The following CYTIP variants were observed in gnomAD, a reference collection of about 807,000 sequenced individuals.
CYTIP encodes cytohesin 1 interacting protein.
A neutral mutation model predicts 43.8 loss-of-function variants in CYTIP; 26 were observed. The observed-to-expected ratio is 0.59, with a 90% CI of 0.44 to 0.82. The LOEUF (loss-of-function observed/expected upper bound fraction) is 0.82. Among genes scored for constraint, CYTIP ranks in the 40% least tolerant of loss-of-function variants. The pLI, the probability that CYTIP is intolerant of heterozygous loss-of-function variation, is 0.00. For synonymous variants in CYTIP, 162 were observed against 162.9 expected (o/e 0.99, Z 0.04); for missense variants, 426 against 443.1 (o/e 0.96, Z 0.35).
At chr2:157,418,672 A>G (rs1190619145) in intron 6 of CYTIP, 83 bp from the exon 7 acceptor site, 2 of 1,292,274 alleles carry the variant, frequency 1.5e-6, no homozygotes, top group Non-Finnish European at 2.1e-6. Flanking sequence ...AGGTGTTGAG[A>G]TTTGTCATTA....
intron 5 of CYTIP, among the ~76,000 whole-genome samples, chr2:157,429,478 T>C (rs1242066243): frequency 2.6e-5 from 4 of 152,218 alleles, no homozygotes; most frequent in Non-Finnish European, 5.9e-5. Flanking sequence ...AACTGAAATA[T>C]ACACATTACT....
chr2:157,432,010 A>G (rs1193599824), intron 3 of CYTIP, among the ~76,000 whole-genome samples: 6 of 152,170 alleles, frequency 3.9e-5, no homozygotes, highest in Admixed American at 6.5e-5. Flanking sequence ...ATCATGCACT[A>G]TGTTCCCATC....
At chr2:157,420,388 C>T (rs1378540769) in intron 6 of CYTIP, among the ~76,000 whole-genome samples, 2 of 151,986 alleles carry the variant, frequency 1.3e-5, no homozygotes, top group African/African-American at 4.8e-5. Context: ...TGATGGCAGG[C>T]ATCTGTAATC....
chr2:157,415,840 C>G lies in CYTIP; in HGVS notation c.917G>C (p.Ser306Thr). Residue 306 changes from serine to threonine, a missense_variant, in exon 8 of 8, where the codon AGT becomes ACT. Transcript: ENST00000264192. ...RSSSRRNRSISNTSSGSMSPL... is the reference protein window; with the variant it reads ...RSSSRRNRSITNTSSGSMSPL... ...AGACATGGATCCGCTGCTGGTGTTA[C>G]TGATGCTCCGGTTCCTCCTTGAAGA... is the stretch of plus-strand genomic sequence containing the variant. 1 of 1,614,214 alleles carries G rather than the reference C, an allele frequency of 6.2e-7. No homozygotes were observed. Among genetic ancestry groups the G allele is most frequent in the Non-Finnish European group, 8.5e-7 (1 of 1,180,036 alleles).
intron 3 of CYTIP, among the ~76,000 whole-genome samples, chr2:157,433,537 TAG>T (rs925079054): frequency 6.6e-5 from 10 of 152,082 alleles, no homozygotes; most frequent in Non-Finnish European, 1.5e-4. Flanking sequence ...AAATCTGATA[TAG>T]AGTGTAAGAA....
At chr2:157,418,400 C>T (rs1013642958) in intron 7 of CYTIP, 123 bp downstream of exon 7, 80 of 864,528 alleles carry the variant, frequency 9.3e-5, no homozygotes, top group Middle Eastern at 4.8e-4. Flanking sequence ...AACACAGACC[C>T]ATTTCCTTGA....
At chr2:157,433,659 C>T (rs1189318219) in intron 3 of CYTIP, among the ~76,000 whole-genome samples, 1 of 151,822 alleles carries the variant, frequency 6.6e-6, no homozygotes, top group Non-Finnish European at 1.5e-5. Flanking sequence ...CTTCATTTGA[C>T]CTACCTCACC....
At chr2:157,442,585 T>G (rs1685934198) in intron 1 of CYTIP, among the ~76,000 whole-genome samples, 1 of 152,180 alleles carries the variant, frequency 6.6e-6, no homozygotes, top group African/African-American at 2.4e-5. Flanking sequence ...TGAAAAAAGA[T>G]GTCAGCATTT....
chr2:157,419,453 A>T (rs1685486321), intron 6 of CYTIP, among the ~76,000 whole-genome samples: 1 of 152,264 alleles, frequency 6.6e-6, no homozygotes, highest in African/African-American at 2.4e-5. Context: ...AGTGGGAATT[A>T]AGTAGCTGCC....
At chr2:157,416,782 C>G (rs1231022144) in intron 7 of CYTIP, among the ~76,000 whole-genome samples, 1 of 152,034 alleles carries the variant, frequency 6.6e-6, no homozygotes, top group African/African-American at 2.4e-5. Context: ...GATACTGTAC[C>G]CAGAAATCAT....
At chr2:157,434,815 TC>T (rs1685781958) in intron 1 of CYTIP, 68 bp from the exon 2 acceptor site, 7 of 93,294 alleles carry the variant, frequency 7.5e-5, no homozygotes. Flanking sequence ...GTTCTAAATC[TC>T]TCTCTCTCTC....
At chr2:157,433,671 A>T (rs1250080670) in intron 3 of CYTIP, among the ~76,000 whole-genome samples, 2 of 152,222 alleles carry the variant, frequency 1.3e-5, no homozygotes, top group African/African-American at 4.8e-5. Flanking sequence ...TACCTCACCC[A>T]TTTTACAAAT....
chr2:157,416,215 T>C, intron 7 of CYTIP, 72 bp from the exon 8 acceptor site: 4 of 1,249,414 alleles, frequency 3.2e-6, no homozygotes, highest in Non-Finnish European at 4.4e-6. Context: ...ACATCAAAAC[T>C]TCTCTTTGAA....
At chr2:157,440,076 G>T (rs1685880071) in intron 1 of CYTIP, among the ~76,000 whole-genome samples, 1 of 152,188 alleles carries the variant, frequency 6.6e-6, no homozygotes, top group African/African-American at 2.4e-5. Context: ...TCTCCTGAAA[G>T]TGTTGGGGAG....
chr2:157,443,938 G>A lies in CYTIP; in HGVS notation c.83C>T (p.Ser28Phe). 6.2e-7 allele frequency: 1 copy of A among 1,614,136 alleles called. No individual in the cohort carries two copies. Among genetic ancestry groups the A allele is most frequent in the Non-Finnish European group, 8.5e-7 (1 of 1,180,002 alleles). ...FCAGPAYSSY[S>F]TLTGSLTMDD... ...CATCGTAAGGCTGCCGGTGAGTGTG[G>A]AGTAAGAGCTATACGCTGGCCCAGC... The change falls in exon 1 of 8, where the codon TCC (serine) becomes TTC (phenylalanine). Residue 28 changes from serine to phenylalanine, a missense_variant. By Grantham distance (155) the Ser-to-Phe change is radical. Coordinates refer to ENST00000264192, the MANE Select transcript of CYTIP (RefSeq NM_004288.5).
intron 6 of CYTIP, among the ~76,000 whole-genome samples, chr2:157,426,835 C>T (rs1685616420): frequency 6.6e-6 from 1 of 152,174 alleles, no homozygotes; most frequent in African/African-American, 2.4e-5. Flanking sequence ...TTTACTATCT[C>T]TTGGACGCTA....
Position 157,430,863 on chromosome 2 carries a change from C to T in CYTIP, c.379G>A (p.Ala127Thr). ...DSPAHCAGLQ[A>T]GDVLANINGV... ...CATGAGCAAAAATTTAAGTTACCAG[C>T]TTGCAGGCCAGCACAGTGAGCTGGG... Residue 127 changes from alanine (A) to threonine (T), a missense_variant, in exon 4 of 8, where the codon GCT becomes ACT. Ala to Thr is a moderately conservative substitution (Grantham distance 58, BLOSUM62 0). Transcript: ENST00000264192. The T allele has an allele frequency of 1.3e-6, 2 of 1,596,902 alleles. No homozygotes were observed. The highest frequency in any genetic ancestry group is 8.5e-7 in the Non-Finnish European group (1 of 1,175,504).
At chr2:157,429,709 T>C (rs1487822376) in intron 5 of CYTIP, among the ~76,000 whole-genome samples, 2 of 152,146 alleles carry the variant, frequency 1.3e-5, no homozygotes, top group East Asian at 1.9e-4. Context: ...AAACCTCTAA[T>C]TGGGAAAGCC....
chr2:157,418,286 T>C (rs946804696), intron 7 of CYTIP, among the ~76,000 whole-genome samples: 1 of 152,214 alleles, frequency 6.6e-6, no homozygotes, highest in Non-Finnish European at 1.5e-5. Context: ...TTTTCGAGCA[T>C]GTGCATCTGT....
Sources: gnomAD v4.1 joint callset for allele counts (sites outside exome capture counted in the v4.1 genomes callset) on GRCh38, gnomAD v4.1.1 for gene constraint, MANE v1.5 for transcripts, NCBI Gene and HGNC (gene_info 2026-07-23, HGNC 2026-07-21) for gene names.